The following SHROOM2 variants were observed in gnomAD, a reference collection of about 807,000 sequenced individuals.
The protein encoded by SHROOM2 is shroom family member 2, also known as protein Shroom2.
In SHROOM2, 33 loss-of-function variants were observed where a neutral mutation model predicts 75.9. The ratio of observed to expected loss-of-function variants is 0.43; its 90% CI spans 0.33 to 0.58. SHROOM2 has a LOEUF of 0.58. Ranked by LOEUF, SHROOM2 falls within the 20% of genes least tolerant of loss-of-function variation. The pLI is 0.04. For missense variants in SHROOM2, 1,434 were observed against 1,461.2 expected (o/e 0.98, Z 0.30); for synonymous variants, 655 against 663.6 (o/e 0.99, Z 0.20).
At chrX:9,930,193 A>G (rs1340870751) in intron 5 of SHROOM2, among the ~76,000 whole-genome samples, 1 of 110,954 alleles carries the variant, frequency 9.0e-6, no homozygotes, top group African/African-American at 3.3e-5. Context: ...GTGTACCTCA[A>G]CTCTTTGGCA....
chrX:9,822,325 G>C (rs2083857490), intron 1 of SHROOM2, among the ~76,000 whole-genome samples: 1 of 111,826 alleles, frequency 8.9e-6, no homozygotes, highest in Non-Finnish European at 1.9e-5. Flanking sequence ...CTGCAGTGGG[G>C]GAGGTGGGCA....
At chrX:9,847,298 C>T (rs1340750905) in intron 1 of SHROOM2, among the ~76,000 whole-genome samples, 1 of 112,357 alleles carries the variant, frequency 8.9e-6, no homozygotes. Context: ...TTTCCGGCAC[C>T]AGGCCGTGCC....
intron 1 of SHROOM2, among the ~76,000 whole-genome samples, chrX:9,851,660 G>A (rs1418700516): frequency 1.0e-5 from 1 of 100,500 alleles, no homozygotes; most frequent in Non-Finnish European, 2.0e-5. Flanking sequence ...GAGATGGGGT[G>A]TTGCTGTGTT....
chrX:9,819,267 T>C (rs1450671273), intron 1 of SHROOM2: 3 of 693,132 alleles, frequency 4.3e-6, no homozygotes, highest in Non-Finnish European at 6.6e-6. Context: ...ATTGGCCTCC[T>C]GAGATCCATT....
chrX:9,802,858 A>G (rs1183844189), intron 1 of SHROOM2, among the ~76,000 whole-genome samples: 1 of 109,616 alleles, frequency 9.1e-6, no homozygotes, highest in African/African-American at 3.3e-5. Flanking sequence ...TGTCTGGATC[A>G]TGCAGGTCGT....
rs188667418 is a variant in SHROOM2 at position 9,857,807 on chromosome X, T to G, written c.166-15845T>G. 5.4e-5 allele frequency among the ~76,000 whole-genome samples: 6 copies of G among 111,108 alleles called. No individual in the cohort carries two copies. The East Asian group carries it at 1.7e-3, about 32-fold the overall frequency. On this transcript the variant is annotated intron_variant, in intron 1 of 9. Transcript: ENST00000380913. Reference sequence around the variant, plus strand: ...TGCATTAAACACATTGCAAAATTCGTGCATCCTGGCTGCTCATTTCCCCAT... The same window carrying G: ...TGCATTAAACACATTGCAAAATTCGGGCATCCTGGCTGCTCATTTCCCCAT...
intron 5 of SHROOM2, among the ~76,000 whole-genome samples, chrX:9,913,396 A>G (rs1569167034): frequency 8.9e-6 from 1 of 112,154 alleles, no homozygotes; most frequent in African/African-American, 3.2e-5. Flanking sequence ...CAGTTCTTTT[A>G]TTTTGCTCTT....
chrX:9,788,223 C>T (rs1268701686), intron 1 of SHROOM2, among the ~76,000 whole-genome samples: 1 of 110,588 alleles, frequency 9.0e-6, no homozygotes, highest in African/African-American at 3.3e-5. Context: ...TTGAATCTTC[C>T]TCTCCCAAAA....
chrX:9,905,995 G>A (rs1184210397), intron 5 of SHROOM2, among the ~76,000 whole-genome samples: 2 of 111,597 alleles, frequency 1.8e-5, no homozygotes, highest in African/African-American at 6.5e-5. Context: ...GCACTGCAGT[G>A]CCCTGGGCCG....
At chrX:9,788,650 C>T (rs2083630597) in intron 1 of SHROOM2, among the ~76,000 whole-genome samples, 2 of 111,456 alleles carry the variant, frequency 1.8e-5, no homozygotes, top group Non-Finnish European at 3.8e-5. Flanking sequence ...GCCTGCTGCT[C>T]CCCTTCAGTC....
intron 1 of SHROOM2, among the ~76,000 whole-genome samples, chrX:9,827,958 A>C (rs2083896597): frequency 2.7e-5 from 3 of 112,264 alleles, no homozygotes; most frequent in Admixed American, 1.9e-4. Flanking sequence ...TCCAAAATGC[A>C]GAGGCTCAGG....
intron 1 of SHROOM2, among the ~76,000 whole-genome samples, chrX:9,792,346 A>T (rs1012544911): frequency 1.1e-4 from 12 of 110,549 alleles, no homozygotes; most frequent in African/African-American, 3.6e-4. Context: ...AAAAGAAAAA[A>T]TTGGACAAAC....
chrX:9,802,640 T>C (rs139464198), intron 1 of SHROOM2, among the ~76,000 whole-genome samples: 2,296 of 111,896 alleles, frequency 0.021, 62 homozygotes, highest in African/African-American at 0.069. Flanking sequence ...GGGGACTGGC[T>C]CTGTTTCATT....
At position 9,932,812 on chromosome X, in the gene SHROOM2, G is replaced by GC. The variant is rs754332314; in HGVS notation, c.3535dup (p.Gln1179ProfsTer14). The GC allele has an allele frequency of 1.7e-6, 2 of 1,205,829 alleles. No individual in the cohort carries two copies. The highest frequency in any genetic ancestry group is 2.2e-6 in the Non-Finnish European group (2 of 894,317). On this transcript the variant is annotated frameshift_variant, in exon 6 of 10. Coordinates refer to ENST00000380913, the MANE Select transcript of SHROOM2 (RefSeq NM_001649.4). LOFTEE classifies it high-confidence loss of function. ...CTCGCGCTCCCCCTCGCCCCAGTTC[G>GC]CCCCCCAGAAACTGACGGACAAACC...
At chrX:9,919,521 A>T (rs952420218) in intron 5 of SHROOM2, among the ~76,000 whole-genome samples, 1 of 108,214 alleles carries the variant, frequency 9.2e-6, no homozygotes, top group African/African-American at 3.4e-5. Flanking sequence ...TAGTAGAGAC[A>T]GGGTTTCACC....
At chrX:9,882,519 G>A (rs1274234048) in intron 2 of SHROOM2, among the ~76,000 whole-genome samples, 2 of 111,252 alleles carry the variant, frequency 1.8e-5, no homozygotes, top group South Asian at 7.6e-4. Flanking sequence ...CTTTCCAACA[G>A]TAATGGGTTT....
At chrX:9,934,080 A>C (rs2084676427) in intron 6 of SHROOM2, among the ~76,000 whole-genome samples, 1 of 111,769 alleles carries the variant, frequency 8.9e-6, no homozygotes, top group Non-Finnish European at 1.9e-5. Flanking sequence ...GTCCGACCGC[A>C]GATGCCAGCT....
intron 1 of SHROOM2, among the ~76,000 whole-genome samples, chrX:9,791,383 A>G (rs976585655): frequency 8.9e-6 from 1 of 111,925 alleles, no homozygotes; most frequent in Non-Finnish European, 1.9e-5. Context: ...CAGCATGCAA[A>G]TAAACCTGGA....
At chrX:9,860,566 G>A (rs2084098061) in intron 1 of SHROOM2, among the ~76,000 whole-genome samples, 1 of 111,495 alleles carries the variant, frequency 9.0e-6, no homozygotes, top group Admixed American at 9.5e-5. Flanking sequence ...TGGGATTATA[G>A]GCATGTGCCA....
Sources: allele counts gnomAD v4.1 joint callset (sites outside exome capture counted in the v4.1 genomes callset), GRCh38; gene constraint gnomAD v4.1.1; transcripts MANE v1.5; gene names NCBI Gene and HGNC (gene_info 2026-07-23, HGNC 2026-07-21).